FGF14: variants seen among roughly 807,000 people sequenced by gnomAD.
FGF14 encodes the protein fibroblast growth factor homologous factor 4.
A neutral mutation model predicts 25.5 loss-of-function variants in FGF14; 5 were observed. The ratio of observed to expected loss-of-function variants is 0.20; its 90% CI spans 0.10 to 0.41. The LOEUF is 0.41. FGF14 is among the 10% of genes least tolerant of loss of function. FGF14 has a pLI of 1.00. For synonymous variants in FGF14, 138 were observed against 118.3 expected, an observed-to-expected ratio of 1.17 and a Z score of -1.08; for missense variants, 222 against 320.1, an observed-to-expected ratio of 0.69 and a Z score of 2.34.
chr13:101,807,607 T>C (rs966616969), intron 3 of FGF14, among the ~76,000 whole-genome samples: 1 of 152,084 alleles, frequency 6.6e-6, no homozygotes, highest in Non-Finnish European at 1.5e-5. Context: ...ATAAAATATA[T>C]ATATGCTCTA....
At chr13:102,203,440 G>T (rs750161464) in intron 1 of FGF14, among the ~76,000 whole-genome samples, 1 of 152,116 alleles carries the variant, frequency 6.6e-6, no homozygotes, top group Non-Finnish European at 1.5e-5. Flanking sequence ...GGCACTGGGT[G>T]GCCCAAGAAC....
intron 1 of FGF14, among the ~76,000 whole-genome samples, chr13:102,040,032 C>T (rs555724435): frequency 6.6e-6 from 1 of 152,128 alleles, no homozygotes; most frequent in East Asian, 1.9e-4. Context: ...AAAGTCAAAC[C>T]AAACTACAGG....
chr13:101,891,339 G>A lies in FGF14; in HGVS notation c.194-16043C>T, dbSNP rs187879689. 2.6e-5 allele frequency among the ~76,000 whole-genome samples: 4 copies of A among 152,142 alleles called. No homozygotes were observed. The East Asian group carries it at 7.8e-4, about 29-fold the overall frequency. ...ATTCCAGATGTGCCCTCTGGAGATG[G>A]GCCCTTTGCTCTCAGCGTTCAGATA... is the stretch of plus-strand genomic sequence containing the variant. On this transcript the variant is annotated intron_variant, in intron 1 of 4. Coordinates refer to ENST00000376143, the MANE Select transcript of FGF14 (RefSeq NM_004115.4).
chr13:102,277,556 G>C (rs982144270), intron 1 of FGF14, among the ~76,000 whole-genome samples: 2 of 152,214 alleles, frequency 1.3e-5, no homozygotes, highest in African/African-American at 4.8e-5. Context: ...AGGAGCTCCA[G>C]GCAGATCGGG....
chr13:101,760,047 A>T (rs1257076776), intron 3 of FGF14, among the ~76,000 whole-genome samples: 1 of 152,116 alleles, frequency 6.6e-6, no homozygotes, highest in Non-Finnish European at 1.5e-5. Context: ...AATAGGGGTG[A>T]CTCCAATGGT....
At chr13:101,967,524 C>T (rs2037289450) in intron 1 of FGF14, 2 of 152,200 alleles carry the variant, frequency 1.3e-5, no homozygotes, top group South Asian at 4.1e-4. Flanking sequence ...TAATGAATAA[C>T]ACAAGCAAAA....
chr13:101,910,644 C>T (rs564459481), intron 1 of FGF14, among the ~76,000 whole-genome samples: 2 of 152,094 alleles, frequency 1.3e-5, no homozygotes, highest in Admixed American at 6.6e-5. Context: ...TGCATTTCTA[C>T]GCATGCCTAC....
intron 1 of FGF14, among the ~76,000 whole-genome samples, chr13:102,139,229 A>T (rs937739200): frequency 1.3e-5 from 2 of 150,038 alleles, no homozygotes; most frequent in African/African-American, 4.9e-5. Context: ...CAGTTTTCTC[A>T]TCTATGAAAT....
chr13:102,081,880 T>G (rs1339368333), intron 1 of FGF14, among the ~76,000 whole-genome samples: 2 of 152,168 alleles, frequency 1.3e-5, no homozygotes, highest in South Asian at 2.1e-4. Flanking sequence ...AGTTTCCAAG[T>G]GTAAAATTAT....
At chr13:102,186,873 C>T (rs182999966) in intron 1 of FGF14, among the ~76,000 whole-genome samples, 12 of 152,216 alleles carry the variant, frequency 7.9e-5, no homozygotes, top group Admixed American at 7.2e-4. Flanking sequence ...AGGCACACAC[C>T]GGAGTTATAC....
Position 102,208,176 on chromosome 13 carries a change from CA to C in FGF14, c.208+193294del, listed in dbSNP as rs1259786690. Among the ~76,000 whole-genome samples the C allele has an allele frequency of 1.4e-4, 21 of 152,254 alleles. No homozygotes were observed. In the East Asian group the frequency reaches 4.1e-3, roughly 29 times the overall value. On this transcript the variant is annotated intron_variant, in intron 1 of 4. Transcript: ENST00000376131. ...GGTGAGAGATTCGCAAGGGGAAAGG[CA>C]GAATCGCTCCACTCAAATCTGTTCT...
chr13:102,178,632 C>T (rs748835048), intron 1 of FGF14, among the ~76,000 whole-genome samples: 6 of 152,046 alleles, frequency 3.9e-5, no homozygotes, highest in East Asian at 3.9e-4. Flanking sequence ...TAAGCAAGAA[C>T]GTGTGGTATT....
At chr13:102,208,350 A>G (rs768552327) in intron 1 of FGF14, among the ~76,000 whole-genome samples, 13 of 152,098 alleles carry the variant, frequency 8.5e-5, no homozygotes, top group Non-Finnish European at 1.8e-4. Context: ...TTGCTATTTT[A>G]TTTTCTAATT....
Position 101,858,827 on chromosome 13 carries a change from A to G in FGF14, c.408+9898T>C, listed in dbSNP as rs570076164. Reference sequence around the variant, plus strand: ...TAACAAAGCTCTTTTTCTAATTATAATTATTAATGCTCTTGCTTTAAAACG... The same window carrying G: ...TAACAAAGCTCTTTTTCTAATTATAGTTATTAATGCTCTTGCTTTAAAACG... On this transcript the variant is annotated intron_variant, in intron 3 of 4. Coordinates refer to ENST00000376143, the MANE Select transcript of FGF14 (RefSeq NM_004115.4). Among the ~76,000 whole-genome samples the G allele has an allele frequency of 7.7e-4, 117 of 152,192 alleles. 1 individual carries two copies. Among genetic ancestry groups the G allele is most frequent in the African/African-American group, 2.7e-3 (112 of 41,538 alleles).
intron 3 of FGF14, among the ~76,000 whole-genome samples, chr13:101,809,062 T>C (rs1270223326): frequency 2.6e-5 from 4 of 152,066 alleles, no homozygotes; most frequent in East Asian, 1.9e-4. Context: ...TTTTGATAAA[T>C]TGGGGAATTG....
At position 101,719,820 on chromosome 13, in the gene FGF14, G is replaced by A. The variant is rs1486989277; in HGVS notation, c.*3011C>T. ...AGATTTACTATACGGAACATCAGTA[G>A]TGACAGATTGCACTTCTTACTTAAT... is the stretch of plus-strand genomic sequence containing the variant. On this transcript the variant is annotated 3_prime_UTR_variant, in exon 5 of 5. Coordinates refer to ENST00000376143, the MANE Select transcript of FGF14 (RefSeq NM_004115.4). The A allele has an allele frequency of 6.6e-6, 1 of 152,044 alleles. No homozygotes were observed. The highest frequency in any genetic ancestry group is 2.4e-5 in the African/African-American group (1 of 41,412). 9.4% of individuals were successfully genotyped at this position (152,044 alleles called of 1,614,324 possible). A position where few individuals can be genotyped will look rare whatever the true frequency, so the allele number is the denominator to read the frequency against.
intron 1 of FGF14, among the ~76,000 whole-genome samples, chr13:102,057,535 T>C (rs2042487500): frequency 6.6e-6 from 1 of 152,210 alleles, no homozygotes; most frequent in Admixed American, 6.5e-5. Flanking sequence ...ATATAGTTAG[T>C]ATGAGAACAA....
At chr13:101,814,332 G>T (rs2041725130) in intron 3 of FGF14, among the ~76,000 whole-genome samples, 1 of 152,194 alleles carries the variant, frequency 6.6e-6, no homozygotes. Context: ...AAGACTGTAG[G>T]AAGAAAGAGA....
At chr13:101,735,650 A>C (rs1333495883) in intron 3 of FGF14, among the ~76,000 whole-genome samples, 2 of 148,384 alleles carry the variant, frequency 1.3e-5, no homozygotes, top group South Asian at 4.2e-4. Flanking sequence ...GCTTCCCTGG[A>C]TTGCCAATTA....
Sources: gnomAD v4.1 joint callset for allele counts (sites outside exome capture counted in the v4.1 genomes callset) on GRCh38, gnomAD v4.1.1 for gene constraint, MANE v1.5 for transcripts, NCBI Gene and HGNC (gene_info 2026-07-23, HGNC 2026-07-21) for gene names.